The following CYP2C19 variants were observed in gnomAD, a reference collection of about 807,000 sequenced individuals.
CYP2C19 encodes cytochrome P450 2C19.
A neutral mutation model predicts 40.9 loss-of-function variants in CYP2C19; 59 were observed. The ratio of observed to expected loss-of-function variants is 1.44; its 90% CI spans 1.17 to 1.79. CYP2C19 has a LOEUF of 1.79. CYP2C19 is among the 40% of genes most tolerant of loss of function. CYP2C19 has a pLI of 0.00. For missense variants in CYP2C19, 754 were observed against 596.9 expected (o/e 1.26, Z -2.74); for synonymous variants, 253 against 208.7 (o/e 1.21, Z -1.83).
intron 7 of CYP2C19, among the ~76,000 whole-genome samples, chr10:94,844,197 G>A (rs1849539392): frequency 6.6e-6 from 1 of 152,102 alleles, no homozygotes; most frequent in Non-Finnish European, 1.5e-5. Context: ...TCACTTAGTT[G>A]TATCTTTGAA....
At chr10:94,784,876 C>T (rs1848521363) in intron 5 of CYP2C19, among the ~76,000 whole-genome samples, 1 of 152,078 alleles carries the variant, frequency 6.6e-6, no homozygotes, top group Non-Finnish European at 1.5e-5. Flanking sequence ...AGGTGTGAGC[C>T]ACCATGCCCA....
At chr10:94,851,604 C>A (rs1182470388) in intron 8 of CYP2C19, among the ~76,000 whole-genome samples, 7 of 152,118 alleles carry the variant, frequency 4.6e-5, no homozygotes, top group Non-Finnish European at 1.0e-4. Context: ...TCTCACAGTT[C>A]TGAAGGCTGT....
At chr10:94,843,450 T>C (rs956909784) in intron 7 of CYP2C19, among the ~76,000 whole-genome samples, 2 of 152,214 alleles carry the variant, frequency 1.3e-5, no homozygotes, top group African/African-American at 4.8e-5. Flanking sequence ...ACTTTCTTTA[T>C]TTTCCCAGGA....
At chr10:94,767,134 G>T (rs967419843) in intron 1 of CYP2C19, among the ~76,000 whole-genome samples, 3 of 152,124 alleles carry the variant, frequency 2.0e-5, no homozygotes, top group Non-Finnish European at 4.4e-5. Flanking sequence ...CCCATTTTGT[G>T]AGAATTTCGG....
chr10:94,833,851 C>T (rs962336887), intron 6 of CYP2C19, among the ~76,000 whole-genome samples: 11 of 152,150 alleles, frequency 7.2e-5, no homozygotes, highest in African/African-American at 2.4e-4. Context: ...AGGTAAATCC[C>T]ACTTGGTCAT....
At chr10:94,817,345 T>C (rs1849022266) in intron 5 of CYP2C19, among the ~76,000 whole-genome samples, 1 of 150,558 alleles carries the variant, frequency 6.6e-6, no homozygotes, top group East Asian at 2.0e-4. Flanking sequence ...ATGAGCATTT[T>C]TTCATGTGTT....
chr10:94,810,331 G>A (rs1215863175), intron 5 of CYP2C19, among the ~76,000 whole-genome samples: 3 of 152,102 alleles, frequency 2.0e-5, no homozygotes, highest in African/African-American at 7.2e-5. Context: ...CACGGATATT[G>A]GCCTGAAATT....
chr10:94,771,182 C>T (rs530007814), intron 1 of CYP2C19, among the ~76,000 whole-genome samples: 1 of 152,156 alleles, frequency 6.6e-6, no homozygotes, highest in East Asian at 1.9e-4. Flanking sequence ...CCAAATTTAC[C>T]TCCCCCTACA....
chr10:94,849,407 G>T (rs1328724916), intron 7 of CYP2C19, among the ~76,000 whole-genome samples: 1 of 150,436 alleles, frequency 6.6e-6, no homozygotes, highest in Non-Finnish European at 1.5e-5. Context: ...TTTTAAATTA[G>T]CTGGTCAGAA....
intron 1 of CYP2C19, among the ~76,000 whole-genome samples, chr10:94,773,243 T>C (rs1369544679): frequency 2.6e-5 from 4 of 152,192 alleles, no homozygotes; most frequent in Admixed American, 1.3e-4. Flanking sequence ...AATTGGTTCC[T>C]TCCGGTGGGT....
rs112836527 is a variant in CYP2C19 at position 94,807,939 on chromosome 10, A to G, written c.820-12557A>G. On this transcript the variant is annotated intron_variant, in intron 5 of 8. Transcript: ENST00000371321. ...CAGTTGCCTGTGCTTTTGAAGTTTTATCCATTGCCAAGACCAATACTCTGA... is the reference window on the plus strand; with the variant it reads ...CAGTTGCCTGTGCTTTTGAAGTTTTGTCCATTGCCAAGACCAATACTCTGA... 2.6e-3 allele frequency among the ~76,000 whole-genome samples: 398 copies of G among 152,184 alleles called. 2 individuals carry two copies. The highest frequency in any genetic ancestry group is 8.3e-3 in the African/African-American group (346 of 41,558).
At chr10:94,815,191 A>C (rs991010119) in intron 5 of CYP2C19, among the ~76,000 whole-genome samples, 2 of 151,296 alleles carry the variant, frequency 1.3e-5, no homozygotes, top group African/African-American at 4.9e-5. Flanking sequence ...TTCTTACTTA[A>C]GAGTAATTTT....
chr10:94,828,180 C>A (rs567328215), intron 6 of CYP2C19, among the ~76,000 whole-genome samples: 1 of 151,924 alleles, frequency 6.6e-6, no homozygotes, highest in Admixed American at 6.6e-5. Context: ...CTATTAGGTC[C>A]GCTTGGTGCA....
chr10:94,794,281 G>T (rs567286681), intron 5 of CYP2C19, among the ~76,000 whole-genome samples: 1 of 152,202 alleles, frequency 6.6e-6, no homozygotes, highest in African/African-American at 2.4e-5. Context: ...GGCTTGGAAA[G>T]GGAATTCCCC....
At chr10:94,829,941 G>C (rs1012208311) in intron 6 of CYP2C19, among the ~76,000 whole-genome samples, 3 of 152,182 alleles carry the variant, frequency 2.0e-5, no homozygotes, top group Admixed American at 6.5e-5. Context: ...GCCCCTGCTG[G>C]GGATTGCCTC....
chr10:94,830,794 A>G (rs1041357688), intron 6 of CYP2C19, among the ~76,000 whole-genome samples: 1 of 152,114 alleles, frequency 6.6e-6, no homozygotes, highest in Non-Finnish European at 1.5e-5. Context: ...GTAGGTATAT[A>G]TTAATATGTT....
rs1045526321 is a variant in CYP2C19 at position 94,780,391 on chromosome 10, A to G, written c.482-108A>G. The G allele has an allele frequency of 5.0e-6, 7 of 1,397,662 alleles. No homozygotes were observed. In the African/African-American group the frequency reaches 1.0e-4, roughly 21 times the overall value. 86.6% of individuals were successfully genotyped at this position (1,397,662 alleles called of 1,614,324 possible). On this transcript the variant is annotated intron_variant, in intron 3 of 8. Coordinates refer to ENST00000371321, the MANE Select transcript of CYP2C19 (RefSeq NM_000769.4). ...CTTTTTTGCTTTTAAGGGAATTCAT[A>G]GGTAAGATATTACTTAAAATTTCTA...
Position 94,852,814 on chromosome 10 carries a change from T to C in CYP2C19, c.1373T>C (p.Leu458Pro). The C allele has an allele frequency of 6.2e-7, 1 of 1,614,102 alleles. No individual in the cohort carries two copies. The highest frequency in any genetic ancestry group is 1.1e-5 in the South Asian group (1 of 91,082). Residue 458 changes from leucine (L) to proline (P), a missense_variant, in exon 9 of 9, where the codon CTG becomes CCG. Leu to Pro is a moderately conservative substitution (Grantham distance 98). Transcript: ENST00000371321. The stretch of plus-strand genomic sequence containing the variant: ...ACCTTCATTTTACAGAACTTTAACC[T>C]GAAATCTCTGATTGACCCAAAGGAC... ...FLTFILQNFN[L>P]KSLIDPKDLD...
rs566897293 is a variant in CYP2C19 at position 94,832,809 on chromosome 10, G to A, written c.962-10028G>A. On this transcript the variant is annotated intron_variant, in intron 6 of 8. Coordinates refer to ENST00000371321, the MANE Select transcript of CYP2C19 (RefSeq NM_000769.4). ...TCTATTTCTGTGAAGAATGTCATTT[G>A]TAATTTGATGGGGATTTTATTGAAT... 3.1e-3 allele frequency among the ~76,000 whole-genome samples: 471 copies of A among 152,084 alleles called. 2 individuals are homozygous for A. The highest frequency in any genetic ancestry group is 0.011 in the African/African-American group (448 of 41,516).
Sources: gnomAD v4.1 joint callset for allele counts (sites outside exome capture counted in the v4.1 genomes callset) on GRCh38, gnomAD v4.1.1 for gene constraint, MANE v1.5 for transcripts, NCBI Gene and HGNC (gene_info 2026-07-23, HGNC 2026-07-21) for gene names.